Variants in TAF3 observed in about 807,000 individuals in gnomAD.
The protein encoded by TAF3 is transcription initiation factor TFIID subunit 3.
TAF3 carries 7 observed loss-of-function variants against 80.6 expected under a neutral mutation model. The observed-to-expected ratio is 0.09, with a 90% CI of 0.05 to 0.16. The LOEUF is 0.16. Ranked by LOEUF, TAF3 falls within the 10% of genes least tolerant of loss-of-function variation. TAF3 has a pLI of 1.00. For missense variants in TAF3, 921 were observed against 1,140.2 expected (o/e 0.81, Z 2.77); for synonymous variants, 444 against 446.1 (o/e 1.00, Z 0.06).
chr10:7,897,662 T>C (rs996994224), intron 2 of TAF3, among the ~76,000 whole-genome samples: 8 of 149,012 alleles, frequency 5.4e-5, no homozygotes, highest in South Asian at 2.1e-4. Context: ...CTCTCTCTCT[T>C]TCTTTCTTTC....
chr10:7,985,362 C>G (rs185289933), intron 4 of TAF3, among the ~76,000 whole-genome samples: 1 of 152,140 alleles, frequency 6.6e-6, no homozygotes, highest in Non-Finnish European at 1.5e-5. Flanking sequence ...AACTTCGTTC[C>G]CTCTCTTAGC....
chr10:7,847,357 C>G (rs540385875), intron 2 of TAF3, among the ~76,000 whole-genome samples: 23 of 152,320 alleles, frequency 1.5e-4, no homozygotes, highest in Non-Finnish European at 2.9e-4. Flanking sequence ...AGAACCTAGA[C>G]CATCCTGTTC....
In TAF3 at chr10:7,977,225, G is replaced by T. The variant is rs757887567; in HGVS notation, c.2233-16G>T. On this transcript the variant is annotated splice_polypyrimidine_tract_variant and intron_variant, in intron 3 of 6. Transcript: ENST00000344293. ...TTGAAAAACCATATTGAACTTTAAT[G>T]TGCTAACTTCCACAGATAAAAGTGG... is the stretch of plus-strand genomic sequence containing the variant. 1.2e-6 allele frequency: 2 copies of T among 1,613,554 alleles called. No individual in the cohort carries two copies. The highest frequency in any genetic ancestry group is 3.3e-5 in the Admixed American group (2 of 60,004).
intron 2 of TAF3, among the ~76,000 whole-genome samples, chr10:7,902,662 CATGTAAAGGT>C (rs1356944844): frequency 6.6e-6 from 1 of 152,054 alleles, no homozygotes; most frequent in Non-Finnish European, 1.5e-5. Flanking sequence ...GGATGTTTTT[CATGTAAAGGT>C]CACTTTCTCC....
At chr10:7,896,597 T>A (rs943947109) in intron 2 of TAF3, among the ~76,000 whole-genome samples, 8 of 152,236 alleles carry the variant, frequency 5.3e-5, no homozygotes, top group African/African-American at 1.9e-4. Context: ...TTAGCTAAGT[T>A]GCAGTAAGTG....
intron 2 of TAF3, among the ~76,000 whole-genome samples, chr10:7,826,133 C>G (rs1836738500): frequency 6.6e-6 from 1 of 152,182 alleles, no homozygotes; most frequent in Non-Finnish European, 1.5e-5. Context: ...TGGACAGCTA[C>G]TGGACCTAAG....
chr10:7,870,562 TG>T (rs1386437112), intron 2 of TAF3, among the ~76,000 whole-genome samples: 1 of 152,234 alleles, frequency 6.6e-6, no homozygotes, highest in Non-Finnish European at 1.5e-5. Flanking sequence ...AATTGGAAAC[TG>T]TAACTGTTAG....
intron 2 of TAF3, among the ~76,000 whole-genome samples, chr10:7,887,098 G>A (rs1216271281): frequency 6.6e-6 from 1 of 152,016 alleles, no homozygotes; most frequent in Admixed American, 6.6e-5. Context: ...AGCCGGGCGT[G>A]GTGGCAGGCA....
At chr10:7,973,140 A>G (rs540204664) in intron 3 of TAF3, among the ~76,000 whole-genome samples, 1 of 152,306 alleles carries the variant, frequency 6.6e-6, no homozygotes, top group African/African-American at 2.4e-5. Flanking sequence ...CCTACCCTAT[A>G]GAGTTGTGAA....
intron 4 of TAF3, among the ~76,000 whole-genome samples, chr10:7,990,987 C>G (rs1831828026): frequency 6.6e-6 from 1 of 152,228 alleles, no homozygotes; most frequent in African/African-American, 2.4e-5. Flanking sequence ...CCCAAAGCAG[C>G]TCTCAGATGC....
At chr10:7,966,858 C>A (rs2131414281) in intron 3 of TAF3, among the ~76,000 whole-genome samples, 1 of 152,208 alleles carries the variant, frequency 6.6e-6, no homozygotes, top group African/African-American at 2.4e-5. Flanking sequence ...TTTGGCTATC[C>A]TAAAATATAA....
At chr10:7,975,147 C>A (rs1831659997) in intron 3 of TAF3, 24 of 248,182 alleles carry the variant, frequency 9.7e-5, no homozygotes, top group South Asian at 9.3e-4. Flanking sequence ...TGTAAATAAG[C>A]AGATGATAGA....
At chr10:7,990,132 A>G (rs1831820205) in intron 4 of TAF3, among the ~76,000 whole-genome samples, 1 of 152,190 alleles carries the variant, frequency 6.6e-6, no homozygotes, top group African/African-American at 2.4e-5. Flanking sequence ...TTTTGAATAT[A>G]TCTCTAATGT....
At chr10:7,885,467 T>C (rs1837401334) in intron 2 of TAF3, among the ~76,000 whole-genome samples, 1 of 152,202 alleles carries the variant, frequency 6.6e-6, no homozygotes, top group Admixed American at 6.5e-5. Context: ...AAAAAAGGTA[T>C]ATTCAGAGAA....
At chr10:7,972,265 AGTT>A (rs1423931787) in intron 3 of TAF3, among the ~76,000 whole-genome samples, 2 of 152,226 alleles carry the variant, frequency 1.3e-5, no homozygotes, top group African/African-American at 4.8e-5. Context: ...ACACAGATAA[AGTT>A]AATGGAAACA....
intron 2 of TAF3, among the ~76,000 whole-genome samples, chr10:7,838,222 C>G (rs566521738): frequency 3.8e-4 from 58 of 152,296 alleles, no homozygotes; most frequent in Non-Finnish European, 7.6e-4. Context: ...GGATCCTACA[C>G]AAGGAACTGG....
At chr10:7,898,514 C>G (rs961450093) in intron 2 of TAF3, among the ~76,000 whole-genome samples, 2 of 147,092 alleles carry the variant, frequency 1.4e-5, no homozygotes, top group African/African-American at 5.1e-5. Context: ...CCACTGCGCT[C>G]CAGATTGGGC....
At chr10:8,011,378 C>G (rs528262260) in intron 5 of TAF3, among the ~76,000 whole-genome samples, 1 of 152,116 alleles carries the variant, frequency 6.6e-6, no homozygotes, top group South Asian at 2.1e-4. Context: ...CTCAGCCTCC[C>G]GAGTAGCTGG....
intron 2 of TAF3, among the ~76,000 whole-genome samples, chr10:7,929,261 T>A (rs1837844684): frequency 1.3e-5 from 2 of 151,030 alleles, no homozygotes; most frequent in African/African-American, 4.9e-5. Flanking sequence ...TTTTTGTTGT[T>A]TTTTTTTTGG....
Sources: gnomAD v4.1 joint callset for allele counts (sites outside exome capture counted in the v4.1 genomes callset) on GRCh38, gnomAD v4.1.1 for gene constraint, MANE v1.5 for transcripts, NCBI Gene and HGNC (gene_info 2026-07-23, HGNC 2026-07-21) for gene names.